PRR16: variants seen among roughly 807,000 people sequenced by gnomAD.
The protein encoded by PRR16 is protein Largen.
Under a neutral mutation model 18.2 loss-of-function variants are expected in PRR16, and 6 were observed. The ratio of observed to expected loss-of-function variants is 0.33; its 90% CI spans 0.18 to 0.65. The LOEUF is 0.65. PRR16 is among the 30% of genes least tolerant of loss of function. The pLI is 0.74. For missense variants in PRR16, 412 were observed against 376.6 expected (o/e 1.09, Z -0.78); for synonymous variants, 151 against 147.8 (o/e 1.02, Z -0.16).
At chr5:120,598,148 T>C (rs1379005722) in intron 1 of PRR16, among the ~76,000 whole-genome samples, 1 of 151,970 alleles carries the variant, frequency 6.6e-6, no homozygotes, top group Non-Finnish European at 1.5e-5. Flanking sequence ...TTTCATATTC[T>C]GTCAATTTCT....
intron 1 of PRR16, among the ~76,000 whole-genome samples, chr5:120,503,138 T>C (rs573227874): frequency 6.6e-6 from 1 of 152,264 alleles, no homozygotes; most frequent in African/African-American, 2.4e-5. Context: ...AAGAATAAAT[T>C]AGTAAATATG....
rs934035635 is a variant in PRR16 at position 120,511,770 on chromosome 5, G to A, written c.159+47125G>A. ...TTGAAACACTAGCTAGGCAACAGAG[G>A]AGAAATAGCATTATCTTTTTGACAC... On this transcript the variant is annotated intron_variant, in intron 1 of 1. Transcript: ENST00000407149. Among the ~76,000 whole-genome samples, 64 of 152,130 alleles carry A rather than the reference G, an allele frequency of 4.2e-4. 1 individual carries two copies. The highest frequency in any genetic ancestry group is 2.6e-4 in the Admixed American group (4 of 15,264).
At chr5:120,617,615 G>T (rs1164677310) in intron 1 of PRR16, among the ~76,000 whole-genome samples, 2 of 152,022 alleles carry the variant, frequency 1.3e-5, no homozygotes, top group Non-Finnish European at 2.9e-5. Flanking sequence ...AACAAAATCA[G>T]TTTACATTTT....
At chr5:120,533,829 C>T (rs1046757232) in intron 1 of PRR16, among the ~76,000 whole-genome samples, 19 of 152,212 alleles carry the variant, frequency 1.2e-4, no homozygotes, top group Non-Finnish European at 1.0e-4. Flanking sequence ...TAGAACAACA[C>T]ATGACACGAA....
chr5:120,780,500 G>A, the PRR16 span, among the ~76,000 whole-genome samples: 1 of 151,908 alleles, frequency 6.6e-6, no homozygotes, highest in Non-Finnish European at 1.5e-5. Flanking sequence ...TCTAAGAGAC[G>A]GAAAAACATT....
At chr5:120,701,753 G>A in the PRR16 span, among the ~76,000 whole-genome samples, 139 of 152,218 alleles carry the variant, frequency 9.1e-4, no homozygotes, top group Middle Eastern at 0.01. Context: ...AGGGAAAGAA[G>A]GAAGATTTGG....
the PRR16 span, among the ~76,000 whole-genome samples, chr5:120,698,659 G>A: frequency 6.6e-6 from 1 of 152,032 alleles, no homozygotes; most frequent in Non-Finnish European, 1.5e-5. Context: ...ATAAAAAGGA[G>A]CGTCTATACA....
chr5:120,644,592 T>G (rs1755530691), intron 1 of PRR16, among the ~76,000 whole-genome samples: 1 of 152,140 alleles, frequency 6.6e-6, no homozygotes, highest in Admixed American at 6.6e-5. Flanking sequence ...ATCACATTTA[T>G]ATTTCCACTC....
At chr5:120,771,866 CATTA>C in the PRR16 span, among the ~76,000 whole-genome samples, 21 of 151,368 alleles carry the variant, frequency 1.4e-4, no homozygotes, top group African/African-American at 3.9e-4. Flanking sequence ...ATTATGTAGC[CATTA>C]AATAATTATA....
intron 1 of PRR16, among the ~76,000 whole-genome samples, chr5:120,646,897 A>T (rs1477161190): frequency 6.6e-6 from 1 of 152,050 alleles, no homozygotes; most frequent in Non-Finnish European, 1.5e-5. Flanking sequence ...AGAAACAAGC[A>T]TTATATTGTT....
At chr5:120,540,214 C>T (rs1751865684) in intron 1 of PRR16, among the ~76,000 whole-genome samples, 1 of 152,136 alleles carries the variant, frequency 6.6e-6, no homozygotes, top group African/African-American at 2.4e-5. Flanking sequence ...TGGAGAGCCT[C>T]CCTTCAGGCC....
chr5:120,504,179 G>C (rs557807184), intron 1 of PRR16, among the ~76,000 whole-genome samples: 1 of 152,026 alleles, frequency 6.6e-6, no homozygotes, highest in Non-Finnish European at 1.5e-5. Flanking sequence ...CCCCACTCCC[G>C]ATATTTGGCA....
intron 1 of PRR16, among the ~76,000 whole-genome samples, chr5:120,466,360 C>T (rs1749080115): frequency 6.6e-6 from 1 of 152,124 alleles, no homozygotes; most frequent in Non-Finnish European, 1.5e-5. Context: ...GGTGAGGTTT[C>T]TATGGGCGAT....
intron 1 of PRR16, among the ~76,000 whole-genome samples, chr5:120,595,882 C>A (rs1753798878): frequency 6.6e-6 from 1 of 151,776 alleles, no homozygotes; most frequent in Non-Finnish European, 1.5e-5. Flanking sequence ...CTTGCATATA[C>A]CTTTAGTATT....
chr5:120,760,967 C>G, the PRR16 span, among the ~76,000 whole-genome samples: 3 of 152,010 alleles, frequency 2.0e-5, no homozygotes, highest in African/African-American at 7.3e-5. Context: ...TCCTACAGTT[C>G]TTGTTTCAGA....
At chr5:120,622,109 G>T (rs190167041) in intron 1 of PRR16, among the ~76,000 whole-genome samples, 6 of 152,002 alleles carry the variant, frequency 3.9e-5, no homozygotes, top group African/African-American at 1.4e-4. Flanking sequence ...TTTTTCCATG[G>T]CACTTATCAC....
chr5:120,658,306 T>G (rs1756054290), intron 1 of PRR16: 2 of 150,920 alleles, frequency 1.3e-5, no homozygotes, highest in South Asian at 4.2e-4. Flanking sequence ...TTTATAGGTT[T>G]TCGATATTTC....
chr5:120,540,036 C>G (rs1042149146), intron 1 of PRR16, among the ~76,000 whole-genome samples: 70 of 152,194 alleles, frequency 4.6e-4, no homozygotes, highest in African/African-American at 1.6e-3. Context: ...GAGCTTGCCA[C>G]GTTTTGAGTT....
At position 120,492,777 on chromosome 5, in the gene PRR16, C is replaced by T. The variant is rs1056065298; in HGVS notation, c.159+28132C>T. On this transcript the variant is annotated intron_variant, in intron 1 of 1. Coordinates refer to ENST00000407149, the MANE Select transcript of PRR16 (RefSeq NM_001300783.2). ...TCTATATGTTTTGGGGTCCTCATAG[C>T]TTAGATCCCAGTTATAAGTGAGGAC... is the stretch of plus-strand genomic sequence containing the variant. 9.2e-5 allele frequency among the ~76,000 whole-genome samples: 14 copies of T among 152,208 alleles called. No homozygotes were observed. The East Asian group carries it at 2.7e-3, about 29-fold the overall frequency.
Sources: gnomAD v4.1 joint callset for allele counts (sites outside exome capture counted in the v4.1 genomes callset) on GRCh38, gnomAD v4.1.1 for gene constraint, MANE v1.5 for transcripts, NCBI Gene and HGNC (gene_info 2026-07-23, HGNC 2026-07-21) for gene names.